The following PDE4B variants were observed in gnomAD, a reference collection of about 807,000 sequenced individuals.
PDE4B encodes the protein 3',5'-cyclic-AMP phosphodiesterase 4B.
A neutral mutation model predicts 82.2 loss-of-function variants in PDE4B; 20 were observed. The ratio of observed to expected loss-of-function variants is 0.24; its 90% CI spans 0.17 to 0.35. PDE4B has a LOEUF of 0.35. Ranked by LOEUF, PDE4B falls within the 10% of genes least tolerant of loss-of-function variation. PDE4B has a pLI of 1.00. For synonymous variants in PDE4B, 320 were observed against 318.9 expected (o/e 1.00, Z -0.04); for missense variants, 655 against 907.2 (o/e 0.72, Z 3.57).
At chr1:66,123,840 TACTTG>T (rs1645764341) in intron 3 of PDE4B, among the ~76,000 whole-genome samples, 1 of 152,212 alleles carries the variant, frequency 6.6e-6, no homozygotes, top group South Asian at 2.1e-4. Context: ...GTGGCTTTTT[TACTTG>T]ACTTGTACAC....
intron 3 of PDE4B, among the ~76,000 whole-genome samples, chr1:66,206,597 T>C (rs1318472039): frequency 1.3e-5 from 2 of 152,226 alleles, no homozygotes; most frequent in Non-Finnish European, 2.9e-5. Context: ...TCACATACTA[T>C]AATGACCTTC....
chr1:66,020,081 T>G (rs1329223757), intron 3 of PDE4B, among the ~76,000 whole-genome samples: 8 of 152,230 alleles, frequency 5.3e-5, no homozygotes. Context: ...AGGCACAATT[T>G]TTCTTTCAAA....
chr1:66,122,581 A>G (rs1645731943), intron 3 of PDE4B, among the ~76,000 whole-genome samples: 1 of 151,956 alleles, frequency 6.6e-6, no homozygotes, highest in African/African-American at 2.4e-5. Flanking sequence ...TTAGAAGACT[A>G]TGGCCATATT....
At chr1:65,909,705 A>T (rs1055672491) in intron 1 of PDE4B, among the ~76,000 whole-genome samples, 1 of 152,212 alleles carries the variant, frequency 6.6e-6, no homozygotes, top group African/African-American at 2.4e-5. Flanking sequence ...TTAATGAAGC[A>T]TATGGTGTTT....
At chr1:65,876,157 C>T (rs1370288641) in intron 1 of PDE4B, among the ~76,000 whole-genome samples, 1 of 151,906 alleles carries the variant, frequency 6.6e-6, no homozygotes, top group East Asian at 1.9e-4. Flanking sequence ...TAATTTTTAG[C>T]CTGAATCACT....
intron 3 of PDE4B, among the ~76,000 whole-genome samples, chr1:65,920,959 CTTTTT>C (rs71058435): frequency 8.8e-5 from 6 of 68,176 alleles, no homozygotes; most frequent in Admixed American, 2.0e-4. Context: ...AAAAGCATTT[CTTTTT>C]TTTTTTTTTT....
intron 3 of PDE4B, among the ~76,000 whole-genome samples, chr1:66,004,378 A>G (rs1652034163): frequency 6.6e-6 from 1 of 152,164 alleles, no homozygotes; most frequent in Non-Finnish European, 1.5e-5. Context: ...CTTAGATATT[A>G]CTTAGTTTCA....
intron 3 of PDE4B, among the ~76,000 whole-genome samples, chr1:66,068,841 A>G (rs918805152): frequency 6.6e-6 from 1 of 151,984 alleles, no homozygotes; most frequent in East Asian, 1.9e-4. Context: ...ACAACTACAA[A>G]TCTGTTATTT....
At chr1:66,033,546 A>G (rs933143000) in intron 3 of PDE4B, among the ~76,000 whole-genome samples, 2 of 152,010 alleles carry the variant, frequency 1.3e-5, no homozygotes, top group South Asian at 2.1e-4. Context: ...ATTAAAAGGT[A>G]TCTTCTTAAA....
intron 1 of PDE4B, among the ~76,000 whole-genome samples, chr1:65,883,789 G>C (rs1384123312): frequency 1.3e-5 from 2 of 152,138 alleles, no homozygotes; most frequent in Non-Finnish European, 2.9e-5. Flanking sequence ...TATTGGCTGT[G>C]GGTTTGTCAT....
chr1:66,039,173 G>T (rs554009403), intron 3 of PDE4B, among the ~76,000 whole-genome samples: 2 of 151,806 alleles, frequency 1.3e-5, no homozygotes, highest in Non-Finnish European at 2.9e-5. Flanking sequence ...GGAAAATATT[G>T]GACACACAAT....
chr1:66,302,883 G>T (rs1392664252), intron 7 of PDE4B, among the ~76,000 whole-genome samples: 3 of 152,072 alleles, frequency 2.0e-5, no homozygotes, highest in Non-Finnish European at 2.9e-5. Context: ...TCTTCTTGAG[G>T]TTTCCCTCCC....
chr1:66,103,957 CTTTAAG>C (rs1257354027), intron 3 of PDE4B, among the ~76,000 whole-genome samples: 1 of 151,828 alleles, frequency 6.6e-6, no homozygotes, highest in Non-Finnish European at 1.5e-5. Flanking sequence ...TATTATTATA[CTTTAAG>C]TTTTAGGTTA....
At chr1:66,241,250 T>C (rs6704282) in intron 3 of PDE4B, among the ~76,000 whole-genome samples, 28,752 of 152,152 alleles carry the variant, frequency 0.19, 5,409 homozygotes, top group African/African-American at 0.47. Context: ...GGCTCTATAT[T>C]AGGCTGGCTG....
At chr1:65,861,462 GT>G (rs1646453206) in intron 1 of PDE4B, among the ~76,000 whole-genome samples, 1 of 152,126 alleles carries the variant, frequency 6.6e-6, no homozygotes, top group African/African-American at 2.4e-5. Context: ...CTTGTAGTTA[GT>G]TTGAAGTCAG....
At chr1:65,840,042 T>G (rs1570999848) in intron 1 of PDE4B, among the ~76,000 whole-genome samples, 1 of 152,186 alleles carries the variant, frequency 6.6e-6, no homozygotes, top group African/African-American at 2.4e-5. Context: ...ATAAGCCAAG[T>G]GAAGTTAGTA....
intron 1 of PDE4B, among the ~76,000 whole-genome samples, chr1:65,882,680 ATGTGTGTGTG>A (rs5774774): frequency 1.3e-5 from 2 of 149,844 alleles, no homozygotes; most frequent in African/African-American, 2.4e-5. Flanking sequence ...TTTGAAAAAT[ATGTGTGTGTG>A]TGTGTGTGTG....
intron 3 of PDE4B, among the ~76,000 whole-genome samples, chr1:66,030,752 T>C (rs1196326093): frequency 6.6e-6 from 1 of 152,166 alleles, no homozygotes; most frequent in African/African-American, 2.4e-5. Context: ...AAGTGGTACA[T>C]ATACAACATG....
At chr1:66,297,954 C>T (rs1175367339) in intron 7 of PDE4B, among the ~76,000 whole-genome samples, 1 of 152,060 alleles carries the variant, frequency 6.6e-6, no homozygotes, top group Non-Finnish European at 1.5e-5. Flanking sequence ...CAAGGTTGTC[C>T]TATTACTTAT....
Sources: gnomAD v4.1 joint callset for allele counts (sites outside exome capture counted in the v4.1 genomes callset) on GRCh38, gnomAD v4.1.1 for gene constraint, MANE v1.5 for transcripts, NCBI Gene and HGNC (gene_info 2026-07-23, HGNC 2026-07-21) for gene names.